CLEC17A: variants seen among roughly 807,000 people sequenced by gnomAD.
CLEC17A encodes C-type lectin domain family 17, member A.
A neutral mutation model predicts 61.3 loss-of-function variants in CLEC17A; 37 were observed. The ratio of observed to expected loss-of-function variants is 0.60; its 90% confidence interval spans 0.46 to 0.79. The LOEUF is 0.79. CLEC17A is among the 30% of genes least tolerant of loss of function. CLEC17A has a pLI of 0.00. For synonymous variants in CLEC17A, 168 were observed against 164.9 expected (o/e 1.02, Z -0.14); for missense variants, 418 against 464.7 (o/e 0.90, Z 0.92).
At chr19:14,597,787 A>G (rs1365161821) in intron 10 of CLEC17A, among the ~76,000 whole-genome samples, 1 of 151,824 alleles carries the variant, frequency 6.6e-6, no homozygotes, top group Non-Finnish European at 1.5e-5. Context: ...TTTTTTTTGT[A>G]TAGAAGAGGT....
At chr19:14,594,460 C>G (rs2074495251) in intron 4 of CLEC17A, 57 bp from the exon 5 acceptor site, 1 of 1,548,220 alleles carries the variant, frequency 6.5e-7, no homozygotes, top group Non-Finnish European at 8.7e-7. Flanking sequence ...TCCATCACTT[C>G]CTCTTGGCGC....
chr19:14,606,965 G>C, intron 12 of CLEC17A, 28 bp from the exon 13 acceptor site: 2 of 1,198,636 alleles, frequency 1.7e-6, no homozygotes, highest in Non-Finnish European at 2.1e-6. Flanking sequence ...TAGAGGAATG[G>C]CTGGCTGAAT....
chr19:14,607,545 A>ATTT (rs1413952830), intron 13 of CLEC17A, among the ~76,000 whole-genome samples: 7 of 139,172 alleles, frequency 5.0e-5, no homozygotes, highest in African/African-American at 1.4e-4. Context: ...GTTTTATTTT[A>ATTT]TTTTATTATT....
At chr19:14,586,359 G>T (rs866971316) in intron 2 of CLEC17A, among the ~76,000 whole-genome samples, 3 of 152,026 alleles carry the variant, frequency 2.0e-5, no homozygotes, top group African/African-American at 7.2e-5. Context: ...CCCGACCTCA[G>T]GTGATCTGCC....
chr19:14,590,277 C>A (rs1353355210), intron 3 of CLEC17A, among the ~76,000 whole-genome samples: 1 of 151,928 alleles, frequency 6.6e-6, no homozygotes. Flanking sequence ...TTCCTGATGA[C>A]CTCGCTACAT....
intron 2 of CLEC17A, among the ~76,000 whole-genome samples, chr19:14,586,848 T>G (rs11669163): frequency 6.6e-6 from 1 of 151,462 alleles, no homozygotes; most frequent in Admixed American, 6.6e-5. Flanking sequence ...AGCGGGGAGG[T>G]GGGTGGCTGT....
At chr19:14,608,875 C>T (rs2074974932) in intron 13 of CLEC17A, among the ~76,000 whole-genome samples, 1 of 151,178 alleles carries the variant, frequency 6.6e-6, no homozygotes, top group Non-Finnish European at 1.5e-5. Flanking sequence ...TCTTGGCTCA[C>T]TGCAACTTCT....
Position 14,583,343 on chromosome 19 carries a change from C to T in CLEC17A, c.44-14C>T. Reference sequence around the variant, plus strand: ...AGGGAATGGCTGGGCTCTGACTTGCCTTTCCCCTGGAAGGGACCATGGAGG... The same window carrying T: ...AGGGAATGGCTGGGCTCTGACTTGCTTTTCCCCTGGAAGGGACCATGGAGG... On this transcript the variant is annotated splice_polypyrimidine_tract_variant and intron_variant, in intron 1 of 13. Transcript: ENST00000417570. 1 of 1,608,272 alleles carries T rather than the reference C, an allele frequency of 6.2e-7. No individual in the cohort carries two copies. The highest frequency in any genetic ancestry group is 2.2e-5 in the East Asian group (1 of 44,610).
At chr19:14,599,030 C>T (rs1190988303) in intron 10 of CLEC17A, among the ~76,000 whole-genome samples, 2 of 144,634 alleles carry the variant, frequency 1.4e-5, no homozygotes, top group Non-Finnish European at 3.0e-5. Context: ...TCCCTCCACT[C>T]TTATAGGCTT....
intron 3 of CLEC17A, 30 bp downstream of exon 3, chr19:14,587,721 G>T (rs766605558): frequency 1.2e-6 from 2 of 1,609,858 alleles, no homozygotes; most frequent in Middle Eastern, 1.7e-4. Flanking sequence ...TGTGACCTGG[G>T]GGAATACAGG....
intron 12 of CLEC17A, 45 bp from the exon 13 acceptor site, chr19:14,606,948 G>C (rs1346253177): frequency 6.6e-6 from 7 of 1,053,788 alleles, no homozygotes; most frequent in Non-Finnish European, 8.6e-6. Context: ...TCACCCTGAG[G>C]GTCATGTAGA....
intron 3 of CLEC17A, among the ~76,000 whole-genome samples, chr19:14,590,955 C>T (rs571808653): frequency 4.0e-4 from 61 of 151,830 alleles, no homozygotes; most frequent in Non-Finnish European, 7.8e-4. Flanking sequence ...GCCTTGGCCT[C>T]CCAAAGTGCT....
intron 10 of CLEC17A, among the ~76,000 whole-genome samples, chr19:14,598,282 C>A (rs1336505352): frequency 6.6e-6 from 1 of 151,580 alleles, no homozygotes; most frequent in African/African-American, 2.4e-5. Context: ...GCAAGACTTT[C>A]TTTCGTTTGT....
chr19:14,605,766 G>C (rs1009234709), intron 12 of CLEC17A, among the ~76,000 whole-genome samples: 1 of 151,716 alleles, frequency 6.6e-6, no homozygotes, highest in Non-Finnish European at 1.5e-5. Context: ...CGGGACAGAG[G>C]CTTGCTCTGC....
chr19:14,587,730 G>A (rs1304147000), intron 3 of CLEC17A, 39 bp downstream of exon 3: 17 of 1,610,496 alleles, frequency 1.1e-5, no homozygotes, highest in Non-Finnish European at 1.3e-5. Flanking sequence ...GGGGAATACA[G>A]GGAACGGGGT....
intron 8 of CLEC17A, among the ~76,000 whole-genome samples, chr19:14,595,836 ATGG>A (rs1195189377): frequency 2.2e-5 from 3 of 138,698 alleles, no homozygotes; most frequent in Non-Finnish European, 3.1e-5. Context: ...ATTGTTGGTG[ATGG>A]TGGTGGTGGT....
chr19:14,590,147 G>T (rs2074373737), intron 3 of CLEC17A, among the ~76,000 whole-genome samples: 1 of 146,260 alleles, frequency 6.8e-6, no homozygotes, highest in South Asian at 2.2e-4. Flanking sequence ...TGGGGTAATT[G>T]GTTGTGCAGC....
At chr19:14,604,699 G>T (rs868819531) in intron 12 of CLEC17A, among the ~76,000 whole-genome samples, 1 of 151,826 alleles carries the variant, frequency 6.6e-6, no homozygotes. Flanking sequence ...CGAGGCGGAG[G>T]GTGCAGTGAG....
intron 8 of CLEC17A, among the ~76,000 whole-genome samples, chr19:14,595,972 A>ATGGTGG (rs2074538300): frequency 8.3e-3 from 1 of 120 alleles, no homozygotes. Context: ...TGACAATGAC[A>ATGGTGG]ATGTTGTTGG....
Sources: allele counts gnomAD v4.1 joint callset (sites outside exome capture counted in the v4.1 genomes callset), GRCh38; gene constraint gnomAD v4.1.1; transcripts MANE v1.5; gene names NCBI Gene and HGNC (gene_info 2026-07-23, HGNC 2026-07-21).